ENTREP2: variants seen among roughly 807,000 people sequenced by gnomAD.
ENTREP2 encodes the protein protein ENTREP2.
chr15:29,180,420 C>T, the ENTREP2 span, among the ~76,000 whole-genome samples: 1 of 152,166 alleles, frequency 6.6e-6, no homozygotes, highest in Non-Finnish European at 1.5e-5. Flanking sequence ...AATCCCAGCA[C>T]TTTGGGAGTC....
the ENTREP2 span, among the ~76,000 whole-genome samples, chr15:29,529,468 C>A: frequency 1.3e-5 from 2 of 151,992 alleles, no homozygotes; most frequent in South Asian, 4.2e-4. Flanking sequence ...TGGTACCTGG[C>A]TCTGAGGTGT....
chr15:29,293,457 C>T, the ENTREP2 span, among the ~76,000 whole-genome samples: 30 of 151,856 alleles, frequency 2.0e-4, 1 homozygote, highest in East Asian at 2.5e-3. Flanking sequence ...AGGGTTTCAC[C>T]GTTTTAGCCA....
chr15:29,150,171 T>A, the ENTREP2 span, among the ~76,000 whole-genome samples: 88,081 of 151,996 alleles, frequency 0.58, 25,752 homozygotes, highest in Non-Finnish European at 0.62. Flanking sequence ...GAGGCACAGG[T>A]AGGTTCAGTG....
chr15:29,394,266 T>C, the ENTREP2 span, among the ~76,000 whole-genome samples: 1 of 152,140 alleles, frequency 6.6e-6, no homozygotes. Flanking sequence ...ATGGGATTCT[T>C]TGAAGGTTGA....
the ENTREP2 span, among the ~76,000 whole-genome samples, chr15:29,348,939 C>A: frequency 2.0e-5 from 3 of 152,236 alleles, no homozygotes; most frequent in Non-Finnish European, 4.4e-5. Context: ...CATTGGCCAA[C>A]AAGATCACTC....
the ENTREP2 span, among the ~76,000 whole-genome samples, chr15:29,368,049 A>AC: frequency 2.0e-5 from 3 of 149,216 alleles, no homozygotes; most frequent in Non-Finnish European, 3.0e-5. Flanking sequence ...CTGGCCTGGC[A>AC]CAGTGGCTCA....
the ENTREP2 span, among the ~76,000 whole-genome samples, chr15:29,434,305 A>T: frequency 6.6e-6 from 1 of 152,218 alleles, no homozygotes. Context: ...GGTATTCATT[A>T]AGCCTTTCAA....
chr15:29,214,982 T>G, the ENTREP2 span, among the ~76,000 whole-genome samples: 1 of 152,198 alleles, frequency 6.6e-6, no homozygotes, highest in Admixed American at 6.5e-5. Context: ...TCAAATCCAT[T>G]GTTTCTTTGC....
the ENTREP2 span, among the ~76,000 whole-genome samples, chr15:29,415,232 C>A: frequency 6.6e-6 from 1 of 152,146 alleles, no homozygotes; most frequent in Non-Finnish European, 1.5e-5. Flanking sequence ...CCCTGATGAA[C>A]ATTGATGCAA....
chr15:29,287,318 A>G, the ENTREP2 span, among the ~76,000 whole-genome samples: 1 of 151,046 alleles, frequency 6.6e-6, no homozygotes, highest in Non-Finnish European at 1.5e-5. Context: ...CCGTGCCTGC[A>G]TTCGGTTACA....
chr15:29,608,609 C>T, the ENTREP2 span, among the ~76,000 whole-genome samples: 1 of 150,990 alleles, frequency 6.6e-6, no homozygotes, highest in African/African-American at 2.4e-5. Flanking sequence ...GGCTGGAGTG[C>T]AGTGGCGCCA....
chr15:29,266,969 C>T, the ENTREP2 span: 1 of 152,138 alleles, frequency 6.6e-6, no homozygotes, highest in African/African-American at 2.4e-5. Flanking sequence ...ATGCGAGTAT[C>T]AGAGGGCATG....
the ENTREP2 span, among the ~76,000 whole-genome samples, chr15:29,391,038 C>T: frequency 6.6e-6 from 1 of 152,130 alleles, no homozygotes; most frequent in Non-Finnish European, 1.5e-5. Context: ...CAATATTCCT[C>T]CTACAGCCTC....
chr15:29,638,090 C>G, the ENTREP2 span, among the ~76,000 whole-genome samples: 1 of 152,172 alleles, frequency 6.6e-6, no homozygotes, highest in Non-Finnish European at 1.5e-5. Context: ...GCCTGCTGAT[C>G]AGAATTGGCT....
At chr15:29,194,047 A>C in the ENTREP2 span, among the ~76,000 whole-genome samples, 1 of 152,256 alleles carries the variant, frequency 6.6e-6, no homozygotes, top group Non-Finnish European at 1.5e-5. Context: ...CTTCAAAGTG[A>C]CATGTGGACT....
At chr15:29,196,054 T>C in the ENTREP2 span, among the ~76,000 whole-genome samples, 1 of 152,204 alleles carries the variant, frequency 6.6e-6, no homozygotes, top group African/African-American at 2.4e-5. Context: ...ATTTTTTTCC[T>C]CCAAATATCT....
the ENTREP2 span, among the ~76,000 whole-genome samples, chr15:29,413,465 T>C: frequency 6.6e-6 from 1 of 152,148 alleles, no homozygotes; most frequent in Non-Finnish European, 1.5e-5. Flanking sequence ...ATTTGTTATA[T>C]GTAATGAGCC....
At chr15:29,372,939 T>C in the ENTREP2 span, among the ~76,000 whole-genome samples, 1 of 152,130 alleles carries the variant, frequency 6.6e-6, no homozygotes, top group Non-Finnish European at 1.5e-5. Flanking sequence ...AGAGTCTTCA[T>C]ACCATATGTA....
the ENTREP2 span, among the ~76,000 whole-genome samples, chr15:29,467,179 T>A: frequency 6.6e-6 from 1 of 152,002 alleles, no homozygotes; most frequent in Non-Finnish European, 1.5e-5. Context: ...CCAGCCTGGG[T>A]GTGTCCTGCG....
Sources: allele counts gnomAD v4.1 joint callset (sites outside exome capture counted in the v4.1 genomes callset), GRCh38; gene constraint gnomAD v4.1.1; transcripts MANE v1.5; gene names NCBI Gene and HGNC (gene_info 2026-07-23, HGNC 2026-07-21).